Variants in USF3 observed in about 807,000 individuals in gnomAD.
The protein encoded by USF3 is upstream transcription factor family member 3.
In USF3, 29 loss-of-function variants were observed where a neutral mutation model predicts 157.5. The observed-to-expected ratio is 0.18, with a 90% CI of 0.14 to 0.25. The LOEUF (loss-of-function observed/expected upper bound fraction) is 0.25, where lower values mean the gene tolerates loss of function less well. Among genes scored for constraint, USF3 ranks in the 10% least tolerant of loss-of-function variants. The probability of loss-of-function intolerance (pLI) is 1.00; values close to 1 mark genes in which losing one functional copy is unlikely to be tolerated. For missense variants in USF3, 2,381 were observed against 2,667.6 expected (o/e 0.89, Z 2.37); for synonymous variants, 893 against 941.4 (o/e 0.95, Z 0.94).
chr3:113,680,263 C>T (rs1337504071), intron 1 of USF3, among the ~76,000 whole-genome samples: 2 of 151,778 alleles, frequency 1.3e-5, no homozygotes, highest in African/African-American at 4.8e-5. Flanking sequence ...TTAATTATGA[C>T]TTTGATATCA....
rs201035052 is a variant in USF3 at position 113,658,904 on chromosome 3, T to C, written c.2778A>G (p.Pro926=). The C allele has an allele frequency of 1.1e-5, 18 of 1,614,160 alleles. No individual in the cohort carries two copies. The Admixed American group carries it at 3.0e-4, about 27-fold the overall frequency. Residue 926 remains proline, a synonymous_variant, in exon 7 of 7, where the codon CCA becomes CCG. Coordinates refer to ENST00000316407, the MANE Select transcript of USF3 (RefSeq NM_001009899.4). ...CAGCATCTGATAATGCTAAACTACT[T>C]GGTGGTTTATCCTGAGATGTCTCTT... The part of the protein sequence containing the change: ...LQQETSQDKP[P]SSLALSDAAK...
chr3:113,682,251 G>C (rs948766397), intron 1 of USF3, among the ~76,000 whole-genome samples: 1 of 152,092 alleles, frequency 6.6e-6, no homozygotes, highest in African/African-American at 2.4e-5. Flanking sequence ...CTTGAGCCTG[G>C]GAAGTTGAGG....
intron 5 of USF3, among the ~76,000 whole-genome samples, chr3:113,665,343 T>C (rs1299203472): frequency 6.6e-6 from 1 of 152,236 alleles, no homozygotes; most frequent in Non-Finnish European, 1.5e-5. Flanking sequence ...TTAATGTTAT[T>C]CTTTACTCTG....
rs1009435366 is a variant in USF3 at position 113,678,550 on chromosome 3, C to A, written c.-134-1153G>T. Reference sequence around the variant, plus strand: ...CTCAATGTAAAATTATTTATAGGTACAATTTTCATGCTACTAAAATTGCAT... The same window carrying A: ...CTCAATGTAAAATTATTTATAGGTAAAATTTTCATGCTACTAAAATTGCAT... On this transcript the variant is annotated intron_variant, in intron 1 of 6. Coordinates refer to ENST00000316407, the MANE Select transcript of USF3 (RefSeq NM_001009899.4). Among the ~76,000 whole-genome samples the A allele has an allele frequency of 5.9e-5, 9 of 151,816 alleles. No homozygotes were observed. In the South Asian group the frequency reaches 1.9e-3, roughly 32 times the overall value.
chr3:113,694,590 T>C (rs1271205368), intron 1 of USF3, among the ~76,000 whole-genome samples: 1 of 152,232 alleles, frequency 6.6e-6, no homozygotes, highest in African/African-American at 2.4e-5. Context: ...TCTTTTAGCT[T>C]AGACCAGGAG....
Position 113,654,664 on chromosome 3 carries a change from A to G in USF3, c.*280T>C. 1 of 390,738 alleles carries G rather than the reference A, an allele frequency of 2.6e-6. No individual in the cohort carries two copies. Among genetic ancestry groups the G allele is most frequent in the Non-Finnish European group, 4.6e-6 (1 of 219,516 alleles). The allele number at this position is 390,738 out of a possible 1,614,324, so 24.2% of individuals were successfully genotyped here. A position where few individuals can be genotyped will look rare whatever the true frequency, so the allele number is the denominator to read the frequency against. On this transcript the variant is annotated 3_prime_UTR_variant, in exon 7 of 7. Transcript: ENST00000316407. ...AGTACATGACAAGATGATCTCCCCC[A>G]ATTTCCAGCTAATTAGTATTTAGGA...
At chr3:113,679,674 A>G (rs1207022767) in intron 1 of USF3, among the ~76,000 whole-genome samples, 1 of 152,140 alleles carries the variant, frequency 6.6e-6, no homozygotes, top group Non-Finnish European at 1.5e-5. Context: ...TTGGCCTCCC[A>G]AAGTGCTGGG....
In USF3 at chr3:113,650,639, T is replaced by C. The variant is rs1488130957; in HGVS notation, c.*4305A>G. 6.6e-6 allele frequency: 1 copy of C among 152,176 alleles called. No individual in the cohort carries two copies. The highest frequency in any genetic ancestry group is 1.5e-5 in the Non-Finnish European group (1 of 68,022). The allele number at this position is 152,176 out of a possible 1,614,324, so 9.4% of individuals were successfully genotyped here. On this transcript the variant is annotated 3_prime_UTR_variant, in exon 7 of 7. Coordinates refer to ENST00000316407, the MANE Select transcript of USF3 (RefSeq NM_001009899.4). The stretch of plus-strand genomic sequence containing the variant: ...AAATGTGCTTCCACATTTTTTGGAG[T>C]ATAAGTTTTAGCCTCTCCATGAAAT...
At chr3:113,693,024 C>T (rs2107966599) in intron 1 of USF3, among the ~76,000 whole-genome samples, 1 of 152,254 alleles carries the variant, frequency 6.6e-6, no homozygotes. Context: ...TTCTACTAAC[C>T]TTTAACAAAT....
intron 1 of USF3, among the ~76,000 whole-genome samples, chr3:113,693,373 T>C (rs1470307820): frequency 6.6e-6 from 1 of 152,182 alleles, no homozygotes; most frequent in African/African-American, 2.4e-5. Context: ...CACATACTTA[T>C]GGCAGTGTGC....
chr3:113,675,364 C>T (rs1559718986), intron 2 of USF3, among the ~76,000 whole-genome samples: 1 of 152,162 alleles, frequency 6.6e-6, no homozygotes. Context: ...ATATTCCATA[C>T]ATGAAAGCAA....
chr3:113,664,228 C>G, intron 6 of USF3, 85 bp downstream of exon 6: 1 of 832,466 alleles, frequency 1.2e-6, no homozygotes, highest in Non-Finnish European at 1.9e-6. Context: ...AAAAAGCTTT[C>G]TATGTCATAA....
At chr3:113,692,041 A>C (rs1457933671) in intron 1 of USF3, among the ~76,000 whole-genome samples, 1 of 152,178 alleles carries the variant, frequency 6.6e-6, no homozygotes, top group African/African-American at 2.4e-5. Flanking sequence ...CTCAGGCATT[A>C]GATGATCATA....
chr3:113,680,053 C>CTTTTTT (rs71131103), intron 1 of USF3, among the ~76,000 whole-genome samples: 375 of 58,414 alleles, frequency 6.4e-3, no homozygotes, highest in Non-Finnish European at 7.9e-3. Flanking sequence ...CTGTAGTTTT[C>CTTTTTT]TTTTTTTTTT....
chr3:113,658,192 G>A lies in USF3; in HGVS notation c.3490C>T (p.Pro1164Ser). Residue 1164 changes from proline to serine, a missense_variant, in exon 7 of 7, where the codon CCT (proline) becomes TCT (serine). Transcript: ENST00000316407. ...CCCTCTAACAATGATGCTTCAGAAG[G>A]CTTTGAAGCAACTTCCCTTATATCA... is the stretch of plus-strand genomic sequence containing the variant. ...QADIREVASK[P>S]SEASLLEGDP... is the part of the protein sequence containing the mutation. 6.2e-7 allele frequency: 1 copy of A among 1,614,056 alleles called. No individual in the cohort carries two copies. The highest frequency in any genetic ancestry group is 8.5e-7 in the Non-Finnish European group (1 of 1,180,006).
chr3:113,696,334 C>A, intron 1 of USF3, 36 bp downstream of exon 1: 1 of 151,754 alleles, frequency 6.6e-6, no homozygotes. Flanking sequence ...CGCCCCCCGC[C>A]CCGGCTGTCA....
intron 1 of USF3, among the ~76,000 whole-genome samples, chr3:113,679,949 CT>C (rs1047476907): frequency 7.6e-4 from 93 of 123,070 alleles, no homozygotes; most frequent in Non-Finnish European, 9.3e-4. Flanking sequence ...TTATGTTTTT[CT>C]TTTTTTTTTT....
Position 113,659,744 on chromosome 3 carries a change from A to G in USF3, c.1938T>C (p.Ser646=). The change falls in exon 7 of 7, where the codon TCT becomes TCC. Residue 646 remains serine, a synonymous_variant. Coordinates refer to ENST00000316407, the MANE Select transcript of USF3 (RefSeq NM_001009899.4). ...TAACAGAAAAAGTTTGTGTTGAGTTAGACGCTGATAAAGATGAAGGTCTTG... is the reference window on the plus strand; with the variant it reads ...TAACAGAAAAAGTTTGTGTTGAGTTGGACGCTGATAAAGATGAAGGTCTTG... ...ILPRPSSLSA[S]NSTQTFSVTM... 1 of 1,614,252 alleles carries G rather than the reference A, an allele frequency of 6.2e-7. No individual in the cohort carries two copies. Among genetic ancestry groups the G allele is most frequent in the Non-Finnish European group, 8.5e-7 (1 of 1,180,038 alleles).
chr3:113,683,756 C>T (rs1454765823), intron 1 of USF3, among the ~76,000 whole-genome samples: 1 of 152,126 alleles, frequency 6.6e-6, no homozygotes, highest in Non-Finnish European at 1.5e-5. Context: ...CGTGAGCCAC[C>T]GTGCCCAGCC....
Sources: allele counts gnomAD v4.1 joint callset (sites outside exome capture counted in the v4.1 genomes callset), GRCh38; gene constraint gnomAD v4.1.1; transcripts MANE v1.5; gene names NCBI Gene and HGNC (gene_info 2026-07-23, HGNC 2026-07-21).